Variants in CACNA2D3 observed in about 807,000 individuals in gnomAD.
CACNA2D3 encodes voltage-dependent calcium channel subunit alpha-2/delta-3.
In CACNA2D3, 60 loss-of-function variants were observed where a neutral mutation model predicts 160.6. That is an observed-to-expected ratio of 0.37 (90% CI 0.30 to 0.46). The LOEUF is 0.46. Among genes scored for constraint, CACNA2D3 ranks in the 20% least tolerant of loss-of-function variants. CACNA2D3 has a pLI of 1.00. For missense variants in CACNA2D3, 1,205 were observed against 1,365.0 expected (o/e 0.88, Z 1.85); for synonymous variants, 558 against 492.9 (o/e 1.13, Z -1.75).
At position 54,920,487 on chromosome 3, in the gene CACNA2D3, G is replaced by C. The variant is rs746478278; in HGVS notation, c.2449+20619G>C. On this transcript the variant is annotated intron_variant, in intron 27 of 37. Transcript: ENST00000474759. Reference sequence around the variant, plus strand: ...AACAGTCCTCACCCTAAAGCAGAAAGATAAAAGGGGAATTTCTTCCTTTTT... The same window carrying C: ...AACAGTCCTCACCCTAAAGCAGAAACATAAAAGGGGAATTTCTTCCTTTTT... Among the ~76,000 whole-genome samples, 18 of 152,172 alleles carry C rather than the reference G, an allele frequency of 1.2e-4. No individual in the cohort carries two copies. In the East Asian group the frequency reaches 3.1e-3, roughly 26 times the overall value.
intron 3 of CACNA2D3, among the ~76,000 whole-genome samples, chr3:54,378,846 A>G (rs1470583325): frequency 6.6e-6 from 1 of 152,192 alleles, no homozygotes; most frequent in Non-Finnish European, 1.5e-5. Context: ...CAGCTTTGCA[A>G]ATGTTGCACT....
intron 16 of CACNA2D3, among the ~76,000 whole-genome samples, chr3:54,843,065 G>T (rs1004388999): frequency 6.7e-6 from 1 of 148,466 alleles, no homozygotes; most frequent in Non-Finnish European, 1.5e-5. Flanking sequence ...GGGTTCAAGC[G>T]ATTCTCCTGC....
intron 8 of CACNA2D3, among the ~76,000 whole-genome samples, chr3:54,578,757 C>T (rs1702628782): frequency 6.6e-6 from 1 of 152,212 alleles, no homozygotes; most frequent in Non-Finnish European, 1.5e-5. Flanking sequence ...TGCTGGCAAG[C>T]ATGGTTTTGA....
At chr3:54,329,146 A>G (rs944051519) in intron 3 of CACNA2D3, among the ~76,000 whole-genome samples, 1 of 152,108 alleles carries the variant, frequency 6.6e-6, no homozygotes, top group Non-Finnish European at 1.5e-5. Flanking sequence ...ATCTTTTTAC[A>G]TGTGTATTAG....
chr3:54,292,888 G>A (rs1703244519), intron 2 of CACNA2D3, among the ~76,000 whole-genome samples: 1 of 152,194 alleles, frequency 6.6e-6, no homozygotes, highest in Admixed American at 6.5e-5. Flanking sequence ...AATGTTCTTA[G>A]CAGGATTATC....
intron 2 of CACNA2D3, among the ~76,000 whole-genome samples, chr3:54,210,345 G>T (rs1701350649): frequency 6.6e-6 from 1 of 152,104 alleles, no homozygotes; most frequent in South Asian, 2.1e-4. Flanking sequence ...ACAGTTCTTA[G>T]GTAATAAGAT....
intron 13 of CACNA2D3, among the ~76,000 whole-genome samples, chr3:54,774,915 T>G (rs1266505904): frequency 6.6e-6 from 1 of 152,160 alleles, no homozygotes; most frequent in Admixed American, 6.5e-5. Flanking sequence ...ATTACAGATG[T>G]GAGCCACCAC....
intron 3 of CACNA2D3, among the ~76,000 whole-genome samples, chr3:54,368,351 A>G (rs1429074204): frequency 6.6e-6 from 1 of 152,142 alleles, no homozygotes; most frequent in Non-Finnish European, 1.5e-5. Flanking sequence ...TAGTTATTTG[A>G]TTACCTATTC....
chr3:55,009,687 G>A (rs927027428), intron 34 of CACNA2D3, among the ~76,000 whole-genome samples: 4 of 152,146 alleles, frequency 2.6e-5, no homozygotes, highest in African/African-American at 9.7e-5. Context: ...CTTAACTAAG[G>A]CTTTGAGGTC....
At chr3:54,164,519 A>T (rs957691948) in intron 2 of CACNA2D3, among the ~76,000 whole-genome samples, 7 of 152,262 alleles carry the variant, frequency 4.6e-5, no homozygotes, top group Admixed American at 4.6e-4. Flanking sequence ...CTGATATCTT[A>T]CTTATCTCTG....
intron 14 of CACNA2D3, among the ~76,000 whole-genome samples, chr3:54,823,637 C>T (rs575586702): frequency 1.3e-5 from 2 of 152,046 alleles, no homozygotes; most frequent in South Asian, 4.2e-4. Context: ...TATTAAGAAG[C>T]CATAAACAAA....
intron 2 of CACNA2D3, among the ~76,000 whole-genome samples, chr3:54,196,862 A>C (rs1002405943): frequency 2.6e-5 from 4 of 152,224 alleles, no homozygotes; most frequent in Admixed American, 6.5e-5. Context: ...AAGATAATGC[A>C]TGCGTCCGAT....
intron 13 of CACNA2D3, among the ~76,000 whole-genome samples, chr3:54,787,250 C>T (rs1702658812): frequency 6.6e-6 from 1 of 152,214 alleles, no homozygotes; most frequent in Admixed American, 6.5e-5. Flanking sequence ...CAGTCTGATT[C>T]TGTTGGTGTA....
At chr3:54,292,107 C>G (rs565168067) in intron 2 of CACNA2D3, among the ~76,000 whole-genome samples, 18 of 152,168 alleles carry the variant, frequency 1.2e-4, no homozygotes. Flanking sequence ...GGGACAACTG[C>G]ATAGCCACAG....
At chr3:54,626,111 G>A in intron 9 of CACNA2D3, 1 of 598,456 alleles carries the variant, frequency 1.7e-6, no homozygotes. Context: ...AAGTGGGGAT[G>A]CCTTTGGGGA....
intron 11 of CACNA2D3, among the ~76,000 whole-genome samples, chr3:54,664,917 C>T (rs909237452): frequency 2.6e-5 from 4 of 152,182 alleles, no homozygotes; most frequent in African/African-American, 9.7e-5. Context: ...GATTGCCCTG[C>T]TCCATGCAGG....
At chr3:54,543,040 G>A (rs1225297685) in intron 5 of CACNA2D3, among the ~76,000 whole-genome samples, 2 of 152,266 alleles carry the variant, frequency 1.3e-5, no homozygotes, top group East Asian at 3.9e-4. Context: ...TCACCTCTCA[G>A]TTCCAGCCTT....
chr3:54,794,128 C>T (rs1030871732), intron 13 of CACNA2D3, among the ~76,000 whole-genome samples: 4 of 152,012 alleles, frequency 2.6e-5, no homozygotes, highest in African/African-American at 9.7e-5. Flanking sequence ...TATATACATG[C>T]ATGTATCTAT....
In CACNA2D3 at chr3:54,728,847, G is replaced by C. The variant is rs552897586; in HGVS notation, c.1168-23752G>C. 2.6e-5 allele frequency among the ~76,000 whole-genome samples: 4 copies of C among 152,238 alleles called. No individual in the cohort carries two copies. The East Asian group carries it at 7.7e-4, about 29-fold the overall frequency. On this transcript the variant is annotated intron_variant, in intron 11 of 37. Coordinates refer to ENST00000474759, the MANE Select transcript of CACNA2D3 (RefSeq NM_018398.3). ...TGGTGAGGGCTTAACTTTAAATTTT[G>C]ATTTCCCACCATTTTATGATGGTCA...
Sources: gnomAD v4.1 joint callset for allele counts (sites outside exome capture counted in the v4.1 genomes callset) on GRCh38, gnomAD v4.1.1 for gene constraint, MANE v1.5 for transcripts, NCBI Gene and HGNC (gene_info 2026-07-23, HGNC 2026-07-21) for gene names.